The following ARL15 variants were observed in gnomAD, a reference collection of about 807,000 sequenced individuals.
ARL15 encodes ARF like GTPase 15, also known as ADP-ribosylation factor-like protein 15.
ARL15 carries 19 observed loss-of-function variants against 25.2 expected under a neutral mutation model. That is an observed-to-expected ratio of 0.75 (90% CI 0.53 to 1.10). ARL15 has a LOEUF of 1.10. Ranked by LOEUF, ARL15 falls within the 50% of genes least tolerant of loss-of-function variation. The pLI is 0.00. For synonymous variants in ARL15, 94 were observed against 86.8 expected (o/e 1.08, Z -0.46); for missense variants, 220 against 246.0 (o/e 0.89, Z 0.71).
chr5:54,085,538 G>A (rs1006349884), intron 4 of ARL15, among the ~76,000 whole-genome samples: 1 of 152,170 alleles, frequency 6.6e-6, no homozygotes, highest in Non-Finnish European at 1.5e-5. Context: ...AAAATTGCCA[G>A]TTGGTGATGA....
intron 4 of ARL15, among the ~76,000 whole-genome samples, chr5:54,024,972 G>T (rs1238332733): frequency 3.9e-5 from 6 of 152,074 alleles, no homozygotes. Context: ...AATGATAAAA[G>T]TAGGTTTTAT....
At chr5:54,310,398 G>A (rs1413560530) in intron 1 of ARL15, 34 bp downstream of exon 1, 1 of 1,599,702 alleles carries the variant, frequency 6.3e-7, no homozygotes, top group South Asian at 1.1e-5. Flanking sequence ...GCCGAGATCC[G>A]AGAGGCGACA....
intron 2 of ARL15, among the ~76,000 whole-genome samples, chr5:54,161,488 T>C (rs1283846864): frequency 6.6e-6 from 1 of 152,200 alleles, no homozygotes. Context: ...AAGAAACAGA[T>C]TTTGGTAAAT....
chr5:54,246,794 GCATACA>G (rs1554050200), intron 1 of ARL15, among the ~76,000 whole-genome samples: 62 of 97,474 alleles, frequency 6.4e-4, no homozygotes, highest in Middle Eastern at 0.013. Context: ...TACAAAGCAT[GCATACA>G]CACACACACA....
intron 1 of ARL15, among the ~76,000 whole-genome samples, chr5:54,174,895 A>C (rs78586371): frequency 0.018 from 2,747 of 152,304 alleles, 38 homozygotes; most frequent in Non-Finnish European, 0.025. Context: ...AAAACTAGTC[A>C]CACAGTTTCT....
At chr5:54,302,872 T>C (rs1189764193) in intron 1 of ARL15, among the ~76,000 whole-genome samples, 1 of 151,580 alleles carries the variant, frequency 6.6e-6, no homozygotes, top group African/African-American at 2.4e-5. Flanking sequence ...CTTAGACTCA[T>C]CCAAACACCT....
chr5:54,123,618 T>C (rs1421944486), intron 3 of ARL15, among the ~76,000 whole-genome samples: 1 of 152,170 alleles, frequency 6.6e-6, no homozygotes, highest in Non-Finnish European at 1.5e-5. Flanking sequence ...GAATGAACCA[T>C]TAAAATCATG....
At chr5:54,024,408 T>G (rs1749716184) in intron 4 of ARL15, among the ~76,000 whole-genome samples, 1 of 152,218 alleles carries the variant, frequency 6.6e-6, no homozygotes, top group African/African-American at 2.4e-5. Context: ...GTGAGTAACA[T>G]GTACTGCGAT....
At chr5:54,095,183 C>T (rs900053554) in intron 4 of ARL15, among the ~76,000 whole-genome samples, 3 of 151,974 alleles carry the variant, frequency 2.0e-5, no homozygotes, top group African/African-American at 7.3e-5. Flanking sequence ...CATATGTTAC[C>T]TGGGTCACAG....
intron 4 of ARL15, among the ~76,000 whole-genome samples, chr5:54,096,724 T>G (rs1752299504): frequency 6.6e-6 from 1 of 152,178 alleles, no homozygotes; most frequent in Non-Finnish European, 1.5e-5. Flanking sequence ...AATGACATTT[T>G]AAAAACACAG....
At chr5:53,935,264 A>C (rs1671978346) in intron 4 of ARL15, among the ~76,000 whole-genome samples, 1 of 152,228 alleles carries the variant, frequency 6.6e-6, no homozygotes, top group Admixed American at 6.5e-5. Context: ...TTAGTGAAGG[A>C]GCTCTTTCTT....
At chr5:54,157,368 C>G (rs916389397) in intron 2 of ARL15, among the ~76,000 whole-genome samples, 1 of 152,148 alleles carries the variant, frequency 6.6e-6, no homozygotes, top group Non-Finnish European at 1.5e-5. Context: ...ACTAAAACGT[C>G]TTCAAAAGTT....
chr5:53,955,105 A>G (rs550851310), intron 4 of ARL15, among the ~76,000 whole-genome samples: 1 of 150,342 alleles, frequency 6.7e-6, no homozygotes, highest in East Asian at 1.9e-4. Flanking sequence ...GCCATACTAG[A>G]TGGAGACCTT....
At chr5:53,949,387 A>G (rs934251326) in intron 4 of ARL15, among the ~76,000 whole-genome samples, 1 of 152,230 alleles carries the variant, frequency 6.6e-6, no homozygotes, top group African/African-American at 2.4e-5. Context: ...ATTTCAAGTG[A>G]AAAACAGGAA....
At chr5:54,259,833 C>T (rs138734644) in intron 1 of ARL15, among the ~76,000 whole-genome samples, 105 of 152,284 alleles carry the variant, frequency 6.9e-4, no homozygotes, top group African/African-American at 2.4e-3. Context: ...AAATCCTTTT[C>T]GTTCCTGGCC....
At chr5:54,199,706 C>T (rs1245247905) in intron 1 of ARL15, among the ~76,000 whole-genome samples, 2 of 151,118 alleles carry the variant, frequency 1.3e-5, no homozygotes, top group Non-Finnish European at 2.9e-5. Context: ...GGACTGTAAA[C>T]TAGTTCAACC....
intron 1 of ARL15, among the ~76,000 whole-genome samples, chr5:54,187,458 A>G (rs1460618452): frequency 1.3e-5 from 2 of 152,206 alleles, no homozygotes; most frequent in African/African-American, 4.8e-5. Flanking sequence ...TAGTACTACA[A>G]TTGAAGGACA....
At chr5:54,267,715 C>T (rs1270234916) in intron 1 of ARL15, among the ~76,000 whole-genome samples, 1 of 151,870 alleles carries the variant, frequency 6.6e-6, no homozygotes, top group Non-Finnish European at 1.5e-5. Context: ...TTTATTTCTC[C>T]TTCACTTATG....
intron 2 of ARL15, among the ~76,000 whole-genome samples, chr5:54,155,885 A>C (rs1035636143): frequency 9.9e-5 from 15 of 152,114 alleles, no homozygotes; most frequent in African/African-American, 3.6e-4. Flanking sequence ...AAGCCCTATG[A>C]ATTTCTAGGA....
Sources: gnomAD v4.1 joint callset for allele counts (sites outside exome capture counted in the v4.1 genomes callset) on GRCh38, gnomAD v4.1.1 for gene constraint, MANE v1.5 for transcripts, NCBI Gene and HGNC (gene_info 2026-07-23, HGNC 2026-07-21) for gene names.